The following FBN2 variants were observed in gnomAD, a reference collection of about 807,000 sequenced individuals.
FBN2 encodes fibrillin 2.
In FBN2, 105 loss-of-function variants were observed where a neutral mutation model predicts 355.6. The ratio of observed to expected loss-of-function variants is 0.30; its 90% CI spans 0.25 to 0.35. FBN2 has a LOEUF of 0.35. FBN2 is among the 10% of genes least tolerant of loss of function. The probability of loss-of-function intolerance (pLI) is 1.00; values close to 1 mark genes in which losing one functional copy is unlikely to be tolerated. For missense variants in FBN2, 3,280 were observed against 3,758.7 expected (o/e 0.87, Z 3.33); for synonymous variants, 1,350 against 1,301.2 (o/e 1.04, Z -0.81).
intron 41 of FBN2, among the ~76,000 whole-genome samples, chr5:128,308,739 G>A (rs1373434403): frequency 2.6e-5 from 4 of 152,114 alleles, no homozygotes; most frequent in Non-Finnish European, 4.4e-5. Flanking sequence ...TTTCACTGAT[G>A]TCTGAGGAAG....
chr5:128,274,063 T>C, intron 60 of FBN2, 95 bp from the exon 61 acceptor site: 2 of 1,435,270 alleles, frequency 1.4e-6, no homozygotes, highest in Non-Finnish European at 2.0e-6. Flanking sequence ...AAAACCTAAG[T>C]TTCATGATGT....
At chr5:128,317,164 C>G (rs1432027947) in intron 36 of FBN2, among the ~76,000 whole-genome samples, 2 of 152,106 alleles carry the variant, frequency 1.3e-5, no homozygotes, top group African/African-American at 4.8e-5. Flanking sequence ...CTGTGACTCC[C>G]CCATCCCTAA....
At chr5:128,523,921 TC>T (rs995657596) in intron 4 of FBN2, among the ~76,000 whole-genome samples, 1 of 152,086 alleles carries the variant, frequency 6.6e-6, no homozygotes, top group Non-Finnish European at 1.5e-5. Context: ...CATGGCCCTT[TC>T]CTTTTCTCTG....
At position 128,345,422 on chromosome 5, in the gene FBN2, A is replaced by G; in HGVS notation, c.3152T>C (p.Leu1051Pro). ...PKPGTKEYET[L>P]CPRGAGFANR... ...AGCAAAGCCAGCCCCGCGGGGGCAC[A>G]GCGTCTCGTATTCCTTGGTGCCAGG... Residue 1051 changes from leucine to proline, a missense_variant, in exon 24 of 65, where the codon CTG becomes CCG. Leu to Pro is a moderately conservative substitution (Grantham distance 98). Transcript: ENST00000262464. 1 of 1,614,182 alleles carries G rather than the reference A, an allele frequency of 6.2e-7. No individual in the cohort carries two copies.
intron 5 of FBN2, among the ~76,000 whole-genome samples, chr5:128,513,675 A>C (rs893810011): frequency 6.6e-6 from 1 of 152,238 alleles, no homozygotes; most frequent in Non-Finnish European, 1.5e-5. Flanking sequence ...GGCCTCTCCC[A>C]GGTAGATCAA....
chr5:128,416,327 A>C (rs975676122), intron 7 of FBN2, among the ~76,000 whole-genome samples: 1 of 152,146 alleles, frequency 6.6e-6, no homozygotes, highest in African/African-American at 2.4e-5. Context: ...GCCCGAACCC[A>C]TAGTTTGCAA....
chr5:128,504,133 G>T (rs1208858257), intron 5 of FBN2, among the ~76,000 whole-genome samples: 2 of 152,216 alleles, frequency 1.3e-5, no homozygotes, highest in Non-Finnish European at 2.9e-5. Flanking sequence ...GTCAAGAATT[G>T]AGGTTTGGGA....
chr5:128,440,214 A>G (rs1289872265), intron 7 of FBN2, among the ~76,000 whole-genome samples: 1 of 152,228 alleles, frequency 6.6e-6, no homozygotes, highest in Non-Finnish European at 1.5e-5. Context: ...ATAGTAAAGT[A>G]CACTCTTGGC....
chr5:128,260,447 AGAGGGTTGG>A (rs1448751294), intron 64 of FBN2, among the ~76,000 whole-genome samples: 1 of 152,226 alleles, frequency 6.6e-6, no homozygotes, highest in South Asian at 2.1e-4. Context: ...ACTTTTGCTC[AGAGGGTTGG>A]GAGGAGCACA....
chr5:128,459,088 CAAAT>C (rs1754486802), intron 6 of FBN2, among the ~76,000 whole-genome samples: 1 of 151,962 alleles, frequency 6.6e-6, no homozygotes, highest in South Asian at 2.1e-4. Context: ...AGAGAAGAAT[CAAAT>C]AGACACAATA....
At chr5:128,345,142 AG>A (rs1250764785) in intron 24 of FBN2, among the ~76,000 whole-genome samples, 1 of 152,252 alleles carries the variant, frequency 6.6e-6, no homozygotes, top group Non-Finnish European at 1.5e-5. Context: ...AACAAAGAGT[AG>A]AAGAGAAAGA....
In FBN2 at chr5:128,378,895, G is replaced by A. The variant is rs530806742; in HGVS notation, c.1604-5C>T. On this transcript the variant is annotated splice_region_variant and splice_polypyrimidine_tract_variant and intron_variant, in intron 11 of 64. Coordinates refer to ENST00000262464, the MANE Select transcript of FBN2 (RefSeq NM_001999.4). The stretch of plus-strand genomic sequence containing the variant: ...TTGATGTGCATTCATCAACATCTGT[G>A]AGCAGCAAAAGAAACCATTATAGAC... The A allele has an allele frequency of 1.9e-6, 3 of 1,612,910 alleles. No individual in the cohort carries two copies. The African/African-American group carries it at 4.0e-5, about 22-fold the overall frequency.
At chr5:128,334,694 C>T (rs781502276) in intron 31 of FBN2, 25 bp downstream of exon 31, 3 of 1,613,764 alleles carry the variant, frequency 1.9e-6, no homozygotes, top group Non-Finnish European at 2.5e-6. Flanking sequence ...AGTTGAAATA[C>T]AGAGAACACA....
chr5:128,348,130 T>C (rs1185294941), intron 23 of FBN2, among the ~76,000 whole-genome samples: 4 of 152,226 alleles, frequency 2.6e-5, no homozygotes, highest in Admixed American at 1.3e-4. Flanking sequence ...TGCTGAGTAA[T>C]AATTTACAAT....
rs1750067556 is a variant in FBN2, at chr5:128,311,886, T to G, written c.4947A>C (p.Glu1649Asp). The G allele has an allele frequency of 6.2e-7, 1 of 1,604,752 alleles. No homozygotes were observed. The highest frequency in any genetic ancestry group is 2.2e-5 in the East Asian group (1 of 44,818). Residue 1649 changes from glutamate to aspartate, a missense_variant and splice_region_variant, in exon 38 of 65, where the codon GAA (glutamate) becomes GAC (aspartate). Around this residue, in one of 6 missense-constraint regions of FBN2, gnomAD observed 2,284 missense variants for 2,749.5 expected, o/e 0.83. Transcript: ENST00000262464. ...TGGGTGACAATGGGATTAGCTCACC[T>G]TCTAAAATGATTGTGATGGGGTTAG... Reference protein sequence around the residue: ...FRPNPITIILEDIDECQELPG... With the variant: ...FRPNPITIILDDIDECQELPG...
chr5:128,315,492 T>C (rs1750176734), intron 36 of FBN2, among the ~76,000 whole-genome samples: 1 of 152,224 alleles, frequency 6.6e-6, no homozygotes, highest in African/African-American at 2.4e-5. Context: ...AAAGGAATGT[T>C]TGAAAACATT....
intron 3 of FBN2, among the ~76,000 whole-genome samples, chr5:128,529,495 G>T (rs1462437545): frequency 6.6e-6 from 1 of 152,168 alleles, no homozygotes; most frequent in South Asian, 2.1e-4. Context: ...CTGATGAAAT[G>T]GAAGGATTGC....
At chr5:128,282,158 C>A (rs1179211040) in intron 55 of FBN2, among the ~76,000 whole-genome samples, 2 of 151,958 alleles carry the variant, frequency 1.3e-5, no homozygotes, top group Non-Finnish European at 2.9e-5. Context: ...TGTTACTGTT[C>A]ATTTGTAAGA....
Position 128,259,592 on chromosome 5 carries a change from A to C in FBN2, c.8602T>G (p.Tyr2868Asp). The C allele has an allele frequency of 1.2e-6, 2 of 1,613,970 alleles. No homozygotes were observed. Among genetic ancestry groups the C allele is most frequent in the Non-Finnish European group, 1.7e-6 (2 of 1,179,998 alleles). Residue 2868 changes from tyrosine (Y) to aspartate (D), a missense_variant, in exon 65 of 65, where the codon TAC becomes GAC. Coordinates refer to ENST00000262464, the MANE Select transcript of FBN2 (RefSeq NM_001999.4). ...GGGATGCTAGTGATTTCCAGTGTGT[A>C]TGTGCCGGGCATGAGCTTCTTCTTG... ...TAKKKLMPGTYTLEITSIPLY... is the reference protein window; with the variant it reads ...TAKKKLMPGTDTLEITSIPLY...
Sources: gnomAD v4.1 joint callset for allele counts (sites outside exome capture counted in the v4.1 genomes callset) on GRCh38, gnomAD v4.1.1 for gene constraint, gnomAD v4.1.1 regional missense constraint, MANE v1.5 for transcripts, NCBI Gene and HGNC (gene_info 2026-07-23, HGNC 2026-07-21) for gene names.